Variants in TBC1D32 observed in about 807,000 individuals in gnomAD.
TBC1D32 encodes protein broad-minded.
TBC1D32 carries 151 observed loss-of-function variants against 170.3 expected under a neutral mutation model. The ratio of observed to expected loss-of-function variants is 0.89; its 90% CI spans 0.78 to 1.01. The LOEUF is 1.01. TBC1D32 is among the 50% of genes least tolerant of loss of function. The pLI is 0.00. For synonymous variants in TBC1D32, 498 were observed against 488.0 expected (o/e 1.02, Z -0.27); for missense variants, 1,464 against 1,457.1 (o/e 1.00, Z -0.08).
At chr6:121,182,868 G>A (rs775148206) in intron 22 of TBC1D32, among the ~76,000 whole-genome samples, 8 of 151,352 alleles carry the variant, frequency 5.3e-5, no homozygotes, top group South Asian at 4.2e-4. Context: ...ACAATTATCC[G>A]TGTTAAATCC....
At chr6:121,309,351 T>C (rs1158690887) in intron 4 of TBC1D32, among the ~76,000 whole-genome samples, 4 of 152,160 alleles carry the variant, frequency 2.6e-5, no homozygotes, top group Non-Finnish European at 4.4e-5. Flanking sequence ...ATTTTTATCA[T>C]ATAAAATTTA....
intron 24 of TBC1D32, among the ~76,000 whole-genome samples, chr6:121,147,569 G>A (rs1269811519): frequency 2.0e-5 from 3 of 151,612 alleles, no homozygotes; most frequent in Non-Finnish European, 4.4e-5. Context: ...GATTAGTGAT[G>A]GTGAGCATTT....
Position 121,262,639 on chromosome 6 carries a change from G to C in TBC1D32, c.1734-6354C>G, listed in dbSNP as rs1799915111. 2.6e-5 allele frequency among the ~76,000 whole-genome samples: 4 copies of C among 152,106 alleles called. No homozygotes were observed. The South Asian group carries it at 8.3e-4, about 32-fold the overall frequency. Reference sequence around the variant, plus strand: ...CTATAGGCATGTGCCACCATACCTGGCTAATTTTTCTATTTTTAGTACAGA... The same window carrying C: ...CTATAGGCATGTGCCACCATACCTGCCTAATTTTTCTATTTTTAGTACAGA... On this transcript the variant is annotated intron_variant, in intron 15 of 31. Transcript: ENST00000398212.
At chr6:121,199,063 G>A (rs535756917) in intron 22 of TBC1D32, among the ~76,000 whole-genome samples, 106 of 151,518 alleles carry the variant, frequency 7.0e-4, no homozygotes, top group Middle Eastern at 3.4e-3. Flanking sequence ...AAATGCTACA[G>A]AGAGCTCAAG....
At chr6:121,215,690 G>A (rs1441982724) in intron 21 of TBC1D32, among the ~76,000 whole-genome samples, 1 of 150,836 alleles carries the variant, frequency 6.6e-6, no homozygotes, top group East Asian at 1.9e-4. Context: ...GGTGGGCAAA[G>A]GACATGAACA....
intron 22 of TBC1D32, among the ~76,000 whole-genome samples, chr6:121,202,694 T>C (rs1171890265): frequency 1.3e-5 from 2 of 151,140 alleles, no homozygotes; most frequent in Non-Finnish European, 1.5e-5. Flanking sequence ...TTCACACTAA[T>C]AGGAATGATC....
chr6:121,115,433 C>T (rs1048916362), intron 26 of TBC1D32, 192 bp from the exon 27 acceptor site: 1 of 420,840 alleles, frequency 2.4e-6, no homozygotes, highest in East Asian at 3.5e-5. Flanking sequence ...TTACAAATAA[C>T]TTTTTCCCAT....
In TBC1D32 at chr6:121,122,573, T is replaced by G. The variant is rs141460555; in HGVS notation, c.2983+3805A>C. Among the ~76,000 whole-genome samples, 49 of 151,928 alleles carry G rather than the reference T, an allele frequency of 3.2e-4. No homozygotes were observed. In the East Asian group the frequency reaches 8.3e-3, roughly 26 times the overall value. ...AAGTGTGGTAAAAAAAAAAGAAAAA[T>G]GCATCATCAATAAAACTTTATATGA... is the stretch of plus-strand genomic sequence containing the variant. On this transcript the variant is annotated intron_variant, in intron 26 of 31. Transcript: ENST00000398212.
chr6:121,127,340 T>C (rs1423717096), intron 25 of TBC1D32, among the ~76,000 whole-genome samples: 1 of 152,178 alleles, frequency 6.6e-6, no homozygotes, highest in African/African-American at 2.4e-5. Context: ...TTTCAGCAAT[T>C]GTAGCTGACA....
intron 31 of TBC1D32, among the ~76,000 whole-genome samples, chr6:121,084,398 G>C (rs1480380513): frequency 1.3e-5 from 2 of 152,036 alleles, no homozygotes; most frequent in East Asian, 3.9e-4. Context: ...CATAAATAAT[G>C]AGAACACATT....
Position 121,281,595 on chromosome 6 carries a change from A to C in TBC1D32, c.1557T>G (p.Ile519Met). 6.2e-7 allele frequency: 1 copy of C among 1,607,800 alleles called. No homozygotes were observed. The highest frequency in any genetic ancestry group is 1.3e-5 in the African/African-American group (1 of 74,780). The change falls in exon 14 of 32, where the codon ATT becomes ATG. Residue 519 changes from isoleucine to methionine, a missense_variant. Ile to Met is a conservative substitution (Grantham distance 10). Transcript: ENST00000398212. Reference protein sequence around the residue: ...ECAVECLYNNIVIETLLQPIH... With the variant: ...ECAVECLYNNMVIETLLQPIH... ...TAGGCTGAAGAAGTGTCTCTATTAC[A>C]ATGTTGTTATATAAGCATTCCACTG...
At chr6:121,298,015 G>A (rs1484490406) in intron 10 of TBC1D32, among the ~76,000 whole-genome samples, 1 of 151,908 alleles carries the variant, frequency 6.6e-6, no homozygotes, top group Non-Finnish European at 1.5e-5. Context: ...TGGATGGAGT[G>A]GTCTGCAATT....
chr6:121,289,293 C>T lies in TBC1D32; in HGVS notation c.1372+2760G>A, dbSNP rs533400899. Among the ~76,000 whole-genome samples, 7 of 152,280 alleles carry T rather than the reference C, an allele frequency of 4.6e-5. No individual in the cohort carries two copies. In the East Asian group the frequency reaches 1.4e-3, roughly 29 times the overall value. ...CCCAGAATCTCCTTAAGCTGATAGGCAACTTCAGCAAAGTCTCAGGATACA... is the reference window on the plus strand; with the variant it reads ...CCCAGAATCTCCTTAAGCTGATAGGTAACTTCAGCAAAGTCTCAGGATACA... On this transcript the variant is annotated intron_variant, in intron 12 of 31. Coordinates refer to ENST00000398212, the MANE Select transcript of TBC1D32 (RefSeq NM_152730.6).
intron 15 of TBC1D32, among the ~76,000 whole-genome samples, chr6:121,274,914 T>C (rs1180037694): frequency 2.6e-5 from 4 of 152,050 alleles, no homozygotes; most frequent in Non-Finnish European, 5.9e-5. Context: ...AAAAAACATG[T>C]AGATGGCTTA....
At chr6:121,092,134 T>C (rs934178023) in intron 30 of TBC1D32, among the ~76,000 whole-genome samples, 2 of 152,154 alleles carry the variant, frequency 1.3e-5, no homozygotes, top group East Asian at 1.9e-4. Flanking sequence ...TAAATTTCTG[T>C]TGTTTTTAGC....
At chr6:121,117,640 G>A (rs1779821663) in intron 26 of TBC1D32, among the ~76,000 whole-genome samples, 1 of 152,004 alleles carries the variant, frequency 6.6e-6, no homozygotes, top group Non-Finnish European at 1.5e-5. Flanking sequence ...AGACAGTGGT[G>A]GGAGTGGGCT....
chr6:121,256,543 C>T (rs1799045655), intron 15 of TBC1D32, among the ~76,000 whole-genome samples: 1 of 152,182 alleles, frequency 6.6e-6, no homozygotes, highest in African/African-American at 2.4e-5. Flanking sequence ...ATTGAGACCA[C>T]AGCCATGTAG....
chr6:121,279,616 A>G (rs756192490), intron 14 of TBC1D32, among the ~76,000 whole-genome samples: 2 of 151,958 alleles, frequency 1.3e-5, no homozygotes, highest in African/African-American at 2.4e-5. Context: ...TACATTATAT[A>G]TGGTATCTAA....
intron 15 of TBC1D32, among the ~76,000 whole-genome samples, chr6:121,266,270 T>A (rs1478482500): frequency 6.6e-6 from 1 of 152,098 alleles, no homozygotes; most frequent in African/African-American, 2.4e-5. Flanking sequence ...GAATGGACAC[T>A]TCTCAAAAGA....
Sources: allele counts gnomAD v4.1 joint callset (sites outside exome capture counted in the v4.1 genomes callset), GRCh38; gene constraint gnomAD v4.1.1; transcripts MANE v1.5; gene names NCBI Gene and HGNC (gene_info 2026-07-23, HGNC 2026-07-21).